The following CNTNAP5 variants were observed in gnomAD, a reference collection of about 807,000 sequenced individuals.
CNTNAP5 encodes contactin-associated protein-like 5.
In CNTNAP5, 72 loss-of-function variants were observed where a neutral mutation model predicts 150.2. The ratio of observed to expected loss-of-function variants is 0.48; its 90% CI spans 0.40 to 0.58. The LOEUF (loss-of-function observed/expected upper bound fraction) is 0.58, where lower values mean the gene tolerates loss of function less well. Among genes scored for constraint, CNTNAP5 ranks in the 20% least tolerant of loss-of-function variants. The probability of loss-of-function intolerance (pLI) is 0.00; values close to 1 mark genes in which losing one functional copy is unlikely to be tolerated. For missense variants in CNTNAP5, 1,636 were observed against 1,626.2 expected (o/e 1.01, Z -0.10); for synonymous variants, 672 against 619.8 (o/e 1.08, Z -1.25).
At chr2:124,846,066 T>G (rs1683041565) in intron 19 of CNTNAP5, among the ~76,000 whole-genome samples, 1 of 152,082 alleles carries the variant, frequency 6.6e-6, no homozygotes, top group South Asian at 2.1e-4. Context: ...TAGATTGTTC[T>G]TGTTTTATCA....
In CNTNAP5 at chr2:124,242,197, C is replaced by A; in HGVS notation, c.188-3C>A. 6.3e-7 allele frequency: 1 copy of A among 1,580,414 alleles called. No individual in the cohort carries two copies. The highest frequency in any genetic ancestry group is 2.3e-5 in the East Asian group (1 of 43,156). ...TCTCTCACTCTCTCTGATCCTGTTC[C>A]AGGAACTGGCGGTTGGTCCCCAGCA... On this transcript the variant is annotated splice_polypyrimidine_tract_variant and splice_region_variant and intron_variant, in intron 2 of 23. Coordinates refer to ENST00000682447, the MANE Select transcript of CNTNAP5 (RefSeq NM_001367498.1).
chr2:124,860,211 A>G (rs1677483770), intron 19 of CNTNAP5, among the ~76,000 whole-genome samples: 1 of 151,844 alleles, frequency 6.6e-6, no homozygotes, highest in South Asian at 2.1e-4. Context: ...ATAGCCGTGC[A>G]TGGTGGTGGG....
intron 3 of CNTNAP5, among the ~76,000 whole-genome samples, chr2:124,354,118 TA>T (rs1689939632): frequency 6.6e-6 from 1 of 152,078 alleles, no homozygotes; most frequent in Non-Finnish European, 1.5e-5. Context: ...TGTTGAGAAT[TA>T]AAGAACAAAA....
At chr2:124,132,908 C>G (rs552327232) in intron 1 of CNTNAP5, among the ~76,000 whole-genome samples, 1 of 152,258 alleles carries the variant, frequency 6.6e-6, no homozygotes, top group African/African-American at 2.4e-5. Context: ...ACTGAACTGC[C>G]TACTCCTCGC....
At chr2:124,507,110 T>C (rs1474317127) in intron 8 of CNTNAP5, among the ~76,000 whole-genome samples, 1 of 152,126 alleles carries the variant, frequency 6.6e-6, no homozygotes, top group Non-Finnish European at 1.5e-5. Context: ...AGATGGTTGA[T>C]GCTTTTATAT....
At chr2:124,621,829 T>G (rs2104997802) in intron 12 of CNTNAP5, among the ~76,000 whole-genome samples, 1 of 152,260 alleles carries the variant, frequency 6.6e-6, no homozygotes, top group African/African-American at 2.4e-5. Context: ...TGTTGTTAAT[T>G]TTGCCAGCTG....
chr2:124,803,539 G>C (rs941267205), intron 19 of CNTNAP5, among the ~76,000 whole-genome samples: 1 of 152,090 alleles, frequency 6.6e-6, no homozygotes, highest in Non-Finnish European at 1.5e-5. Context: ...ATCCAAATAT[G>C]GTTCCCAGAT....
chr2:124,058,799 C>A (rs1681925904), intron 1 of CNTNAP5, among the ~76,000 whole-genome samples: 1 of 152,144 alleles, frequency 6.6e-6, no homozygotes, highest in African/African-American at 2.4e-5. Flanking sequence ...CATCAATGAC[C>A]TTCTGAAAAT....
chr2:124,711,308 T>G (rs1408909613), intron 13 of CNTNAP5, among the ~76,000 whole-genome samples: 2 of 151,854 alleles, frequency 1.3e-5, no homozygotes, highest in East Asian at 3.9e-4. Flanking sequence ...TAAAAAAATA[T>G]ATATTTCTCC....
intron 13 of CNTNAP5, among the ~76,000 whole-genome samples, chr2:124,663,071 G>A (rs966529609): frequency 3.3e-5 from 5 of 152,144 alleles, no homozygotes; most frequent in Admixed American, 2.6e-4. Flanking sequence ...TTCGAATCCC[G>A]TGAGGTGTAG....
chr2:124,093,377 T>C (rs1044090909), intron 1 of CNTNAP5, among the ~76,000 whole-genome samples: 5 of 152,218 alleles, frequency 3.3e-5, no homozygotes, highest in Non-Finnish European at 5.9e-5. Context: ...ATCAATTCAA[T>C]GAGCAGTTAC....
intron 5 of CNTNAP5, among the ~76,000 whole-genome samples, chr2:124,443,474 A>G (rs987571934): frequency 2.6e-5 from 4 of 152,062 alleles, no homozygotes; most frequent in Admixed American, 6.6e-5. Context: ...AAGAAAATCT[A>G]TCTTTGCTGC....
chr2:124,914,209 A>G lies in CNTNAP5; in HGVS notation c.3845A>G (p.Glu1282Gly). ...CAGATGAAGGAGAAGGAATATCCAG[A>G]AAATTTGGACAGTTCCTTCAGAAAT... ...TSQMKEKEYP[E>G]NLDSSFRNEI... Residue 1282 changes from glutamate to glycine, a missense_variant, in exon 24 of 24, where the codon GAA (glutamate) becomes GGA (glycine). Physicochemically the swap from Glu to Gly is moderately conservative, Grantham distance 98. Transcript: ENST00000682447. The G allele has an allele frequency of 6.2e-7, 1 of 1,612,710 alleles. No homozygotes were observed. The highest frequency in any genetic ancestry group is 8.5e-7 in the Non-Finnish European group (1 of 1,179,116).
At chr2:124,608,104 A>G (rs1677295693) in intron 11 of CNTNAP5, among the ~76,000 whole-genome samples, 1 of 152,170 alleles carries the variant, frequency 6.6e-6, no homozygotes, top group South Asian at 2.1e-4. Context: ...GATCATGACA[A>G]ACTGCAGCTT....
chr2:124,310,612 C>A (rs977494697), intron 3 of CNTNAP5, among the ~76,000 whole-genome samples: 2 of 147,482 alleles, frequency 1.4e-5, no homozygotes, highest in African/African-American at 5.0e-5. Flanking sequence ...TTTGAAAAGC[C>A]TTTTTTTTTT....
At chr2:124,867,188 C>T (rs917439075) in intron 20 of CNTNAP5, among the ~76,000 whole-genome samples, 2 of 152,104 alleles carry the variant, frequency 1.3e-5, no homozygotes, top group African/African-American at 2.4e-5. Context: ...TTATTACATG[C>T]ATTAAGAACT....
intron 14 of CNTNAP5, among the ~76,000 whole-genome samples, chr2:124,751,174 C>A (rs1055826751): frequency 3.7e-4 from 55 of 150,164 alleles, no homozygotes; most frequent in African/African-American, 1.3e-3. Context: ...GGAGCAGAAG[C>A]AGCTAGTTAA....
chr2:124,686,131 T>C (rs1679188925), intron 13 of CNTNAP5, among the ~76,000 whole-genome samples: 1 of 152,112 alleles, frequency 6.6e-6, no homozygotes, highest in South Asian at 2.1e-4. Context: ...CAGTAGTGTC[T>C]GGGGTGAGTG....
intron 11 of CNTNAP5, among the ~76,000 whole-genome samples, chr2:124,599,883 A>G (rs1273025210): frequency 1.3e-5 from 2 of 151,672 alleles, no homozygotes; most frequent in African/African-American, 4.9e-5. Flanking sequence ...GAACAGGTCG[A>G]TTTAAATTTT....
Sources: gnomAD v4.1 joint callset for allele counts (sites outside exome capture counted in the v4.1 genomes callset) on GRCh38, gnomAD v4.1.1 for gene constraint, MANE v1.5 for transcripts, NCBI Gene and HGNC (gene_info 2026-07-23, HGNC 2026-07-21) for gene names.